Variants in ZNF251 observed in about 807,000 individuals in gnomAD.
ZNF251 encodes the protein zinc finger protein 251.
Under a neutral mutation model 13.5 loss-of-function variants are expected in ZNF251, and 14 were observed. That is an observed-to-expected ratio of 1.04 (90% CI 0.69 to 1.63). The LOEUF (loss-of-function observed/expected upper bound fraction) is 1.63. ZNF251 is among the 40% of genes most tolerant of loss of function. ZNF251 has a pLI of 0.00. For missense variants in ZNF251, 764 were observed against 834.9 expected, an observed-to-expected ratio of 0.92 and a Z score of 1.05; for synonymous variants, 287 against 295.2, an observed-to-expected ratio of 0.97 and a Z score of 0.28.
rs548314597 is a variant in ZNF251, at chr8:144,728,775, G to A, written c.278-5393C>T. Among the ~76,000 whole-genome samples the A allele has an allele frequency of 1.4e-3, 209 of 151,926 alleles. 1 individual carries two copies. The highest frequency in any genetic ancestry group is 4.7e-3 in the African/African-American group (195 of 41,444). On this transcript the variant is annotated intron_variant, in intron 4 of 4. Transcript: ENST00000292562. ...TGACAGACTTGCTCAACACAAGGTC[G>A]TCACAAACCTTCAATTTGTAAAAAA...
At position 144,722,495 on chromosome 8, in the gene ZNF251, TCTGA is replaced by T. The variant is rs1218232139; in HGVS notation, c.1161_1164del (p.Ser387ArgfsTer37). The T allele has an allele frequency of 6.2e-7, 1 of 1,613,986 alleles. No homozygotes were observed. Among genetic ancestry groups the T allele is most frequent in the Non-Finnish European group, 8.5e-7 (1 of 1,179,930 alleles). On this transcript the variant is annotated frameshift_variant, in exon 5 of 5. Coordinates refer to ENST00000292562, the MANE Select transcript of ZNF251 (RefSeq NM_138367.2). LOFTEE classifies it low-confidence loss of function (END_TRUNC). The surrounding 1 kb of genome is among the most constrained non-coding windows in gnomAD (Gnocchi z 4.8). ...CGATGATGGAGGAAAAGGCTTGAGC[TCTGA>T]CTGAAGGCCTTCCCACACTGATTGC...
At chr8:144,733,447 C>T (rs1823781103) in intron 4 of ZNF251, among the ~76,000 whole-genome samples, 1 of 152,192 alleles carries the variant, frequency 6.6e-6, no homozygotes, top group African/African-American at 2.4e-5. Context: ...GACATGAGCT[C>T]CGGCTGCCAT....
At chr8:144,744,237 C>G (rs1824308187) in intron 4 of ZNF251, among the ~76,000 whole-genome samples, 1 of 151,964 alleles carries the variant, frequency 6.6e-6, no homozygotes, top group Non-Finnish European at 1.5e-5. Flanking sequence ...GTCTCGAACT[C>G]CTGACCTCGG....
intron 4 of ZNF251, among the ~76,000 whole-genome samples, chr8:144,749,789 C>T (rs772975845): frequency 7.2e-5 from 11 of 152,048 alleles, no homozygotes; most frequent in Non-Finnish European, 1.5e-4. Flanking sequence ...CATCCACTAA[C>T]GAGCCTGTCA....
intron 4 of ZNF251, among the ~76,000 whole-genome samples, chr8:144,733,395 C>T (rs935016927): frequency 1.3e-5 from 2 of 152,220 alleles, no homozygotes; most frequent in African/African-American, 4.8e-5. Flanking sequence ...CACAGTGCAG[C>T]ACGCCTGTTT....
rs569333280 is a variant in ZNF251 at position 144,725,026 on chromosome 8, T to C, written c.278-1644A>G. 2.2e-3 allele frequency among the ~76,000 whole-genome samples: 335 copies of C among 149,864 alleles called. 1 individual carries two copies. The highest frequency in any genetic ancestry group is 7.8e-3 in the African/African-American group (320 of 41,160). On this transcript the variant is annotated intron_variant, in intron 4 of 4. Coordinates refer to ENST00000292562, the MANE Select transcript of ZNF251 (RefSeq NM_138367.2). ...TTTTCTTTCTTTCTTGTTTTTTTTT[T>C]CTTTGAGACAGAGTTTCACTCTTGT...
At chr8:144,737,711 A>G (rs1188672328) in intron 4 of ZNF251, among the ~76,000 whole-genome samples, 3 of 147,776 alleles carry the variant, frequency 2.0e-5, no homozygotes, top group East Asian at 4.2e-4. Flanking sequence ...AGGCGCCTGT[A>G]GTCCCAGCTA....
At chr8:144,728,205 GGAGA>G (rs749741902) in intron 4 of ZNF251, among the ~76,000 whole-genome samples, 174 of 152,154 alleles carry the variant, frequency 1.1e-3, no homozygotes, top group Non-Finnish European at 2.2e-3. Flanking sequence ...GGAGGCCCTA[GGAGA>G]GAGAGAGGGA....
intron 1 of ZNF251, chr8:144,755,064 A>T: frequency 7.6e-7 from 1 of 1,319,994 alleles, no homozygotes; most frequent in South Asian, 1.7e-5. Flanking sequence ...AAGGCCCTGG[A>T]AATGGGGTGC....
rs759786070 is a variant in ZNF251 at position 144,722,387 on chromosome 8, T to G, written c.1273A>C (p.Arg425=). Residue 425 remains arginine, a synonymous_variant, in exon 5 of 5, where the codon AGG becomes CGG. Coordinates refer to ENST00000292562, the MANE Select transcript of ZNF251 (RefSeq NM_138367.2). This position sits in a 1 kb window ranked among gnomAD's most constrained non-coding sequence, Gnocchi z 4.8. ...GFNSHLTEHV[R]IHTGEKPYVC... is the part of the protein sequence containing the mutation. ...TAGGGTTTTTCTCCTGTGTGAATCCTTACGTGTTCAGTAAGATGAGAGTTA... is the reference window on the plus strand; with the variant it reads ...TAGGGTTTTTCTCCTGTGTGAATCCGTACGTGTTCAGTAAGATGAGAGTTA... 4.3e-6 allele frequency: 7 copies of G among 1,614,020 alleles called. No individual in the cohort carries two copies. The South Asian group carries it at 7.7e-5, about 18-fold the overall frequency.
chr8:144,733,717 G>T (rs1445582275), intron 4 of ZNF251, among the ~76,000 whole-genome samples: 1 of 152,048 alleles, frequency 6.6e-6, no homozygotes, highest in Non-Finnish European at 1.5e-5. Flanking sequence ...TCCTCGCGCC[G>T]ACCTCCATGT....
At chr8:144,744,821 C>T (rs966580833) in intron 4 of ZNF251, among the ~76,000 whole-genome samples, 1 of 152,092 alleles carries the variant, frequency 6.6e-6, no homozygotes, top group Non-Finnish European at 1.5e-5. Flanking sequence ...TTTGGGAAGC[C>T]GAGGCGGGCG....
Position 144,738,551 on chromosome 8 carries a change from C to A in ZNF251, c.277+15132G>T, listed in dbSNP as rs1321313156. 3.0e-6 allele frequency: 3 copies of A among 985,292 alleles called. 1 individual carries two copies. Among genetic ancestry groups the A allele is most frequent in the South Asian group, 9.4e-5 (2 of 21,292 alleles). 61.0% of individuals were successfully genotyped at this position (985,292 alleles called of 1,614,324 possible). On this transcript the variant is annotated intron_variant, in intron 4 of 4. Transcript: ENST00000292562. ...GTGTGGCTTTACTCATCCCCGGCCC[C>A]TTCCTCATGGTGTTGGAGGACCAAT...
Position 144,722,279 on chromosome 8 carries a change from A to G in ZNF251, c.1381T>C (p.Tyr461His), listed in dbSNP as rs1178963410. 2 of 1,613,728 alleles carry G rather than the reference A, an allele frequency of 1.2e-6. No individual in the cohort carries two copies. The highest frequency in any genetic ancestry group is 2.2e-5 in the East Asian group (1 of 44,834). The change falls in exon 5 of 5, where the codon TAC (tyrosine) becomes CAC (histidine). Residue 461 changes from tyrosine (Y) to histidine (H), a missense_variant. Physicochemically the swap from Tyr to His is moderately conservative, Grantham distance 83. Transcript: ENST00000292562. This position sits in a 1 kb window ranked among gnomAD's most constrained non-coding sequence, Gnocchi z 4.8. ...HRRVHTGEKPYQCVECGKAFS... is the reference protein window; with the variant it reads ...HRRVHTGEKPHQCVECGKAFS... ...GCTTTCCCACATTCAACGCACTGGT[A>G]GGGCTTCTCCCCAGTGTGAACTCTT... is the stretch of plus-strand genomic sequence containing the variant.
chr8:144,754,997 C>T lies in ZNF251; in HGVS notation c.-75-194G>A. The T allele has an allele frequency of 2.2e-6, 3 of 1,392,338 alleles. No individual in the cohort carries two copies. The East Asian group carries it at 8.1e-5, about 38-fold the overall frequency. 86.2% of individuals were successfully genotyped at this position (1,392,338 alleles called of 1,614,324 possible). A position where few individuals can be genotyped will look rare whatever the true frequency, so the allele number is the denominator to read the frequency against. On this transcript the variant is annotated intron_variant, in intron 1 of 4. Transcript: ENST00000292562. ...GGCCAGAGCCAGAGCCCGGGGGGAT[C>T]CAGGGACGCCCGGCTAAGGGGTGAA...
At chr8:144,732,694 C>G (rs1156980901) in intron 4 of ZNF251, among the ~76,000 whole-genome samples, 2 of 152,028 alleles carry the variant, frequency 1.3e-5, no homozygotes, top group Non-Finnish European at 2.9e-5. Context: ...CACTTATAGT[C>G]CCAGCTACTT....
At chr8:144,735,808 G>A (rs1391574583) in intron 4 of ZNF251, among the ~76,000 whole-genome samples, 4 of 152,162 alleles carry the variant, frequency 2.6e-5, no homozygotes, top group Non-Finnish European at 5.9e-5. Context: ...CACTGCCGGG[G>A]TACCATGGGA....
chr8:144,752,328 A>G (rs997864191), intron 4 of ZNF251, among the ~76,000 whole-genome samples: 2 of 152,288 alleles, frequency 1.3e-5, no homozygotes, highest in South Asian at 2.1e-4. Context: ...TATGAAAGGA[A>G]TGAAATAATA....
At chr8:144,728,047 C>G (rs369277208) in intron 4 of ZNF251, among the ~76,000 whole-genome samples, 1 of 152,236 alleles carries the variant, frequency 6.6e-6, no homozygotes, top group African/African-American at 2.4e-5. Context: ...TCTCAGTTTT[C>G]ACCGCACCTT....
Sources: gnomAD v4.1 joint callset for allele counts (sites outside exome capture counted in the v4.1 genomes callset) on GRCh38, gnomAD v4.1.1 for gene constraint, Gnocchi (gnomAD v3.1) non-coding constraint, MANE v1.5 for transcripts, NCBI Gene and HGNC (gene_info 2026-07-23, HGNC 2026-07-21) for gene names.